The following CSMD1 variants were observed in gnomAD, a reference collection of about 807,000 sequenced individuals.
The protein encoded by CSMD1 is CUB and Sushi multiple domains 1.
A neutral mutation model predicts 417.5 loss-of-function variants in CSMD1; 213 were observed. That is an observed-to-expected ratio of 0.51 (90% CI 0.46 to 0.57). CSMD1 has a LOEUF of 0.57. CSMD1 is among the 20% of genes least tolerant of loss of function. The pLI is 0.00. For missense variants in CSMD1, 6,923 were observed against 4,529.7 expected (o/e 1.53, Z -15.17); for synonymous variants, 2,862 against 1,736.8 (o/e 1.65, Z -16.11).
At chr8:4,542,777 C>T (rs1433692011) in intron 2 of CSMD1, among the ~76,000 whole-genome samples, 1 of 151,832 alleles carries the variant, frequency 6.6e-6, no homozygotes, top group Non-Finnish European at 1.5e-5. Context: ...ATATGGTAGC[C>T]ATACATATTT....
At chr8:3,099,883 A>C (rs1435126594) in intron 46 of CSMD1, among the ~76,000 whole-genome samples, 1 of 152,176 alleles carries the variant, frequency 6.6e-6, no homozygotes, top group Non-Finnish European at 1.5e-5. Flanking sequence ...CCAACCAAAG[A>C]GGTAGCAGAT....
At chr8:4,469,849 G>A (rs1383849888) in intron 2 of CSMD1, among the ~76,000 whole-genome samples, 2 of 151,396 alleles carry the variant, frequency 1.3e-5, no homozygotes, top group Admixed American at 6.6e-5. Flanking sequence ...ACACCTACGT[G>A]ATCTGGCCTT....
At chr8:4,442,501 A>C (rs1252062056) in intron 2 of CSMD1, among the ~76,000 whole-genome samples, 1 of 152,176 alleles carries the variant, frequency 6.6e-6, no homozygotes, top group Non-Finnish European at 1.5e-5. Context: ...TGTATATAAA[A>C]GATGTTATTC....
intron 1 of CSMD1, among the ~76,000 whole-genome samples, chr8:4,988,498 A>T (rs1270692172): frequency 2.0e-5 from 3 of 152,174 alleles, no homozygotes; most frequent in Non-Finnish European, 4.4e-5. Context: ...GAAATTTTAG[A>T]TGGGGATAAA....
intron 5 of CSMD1, among the ~76,000 whole-genome samples, chr8:3,838,698 A>T (rs868337738): frequency 1.0e-5 from 1 of 97,420 alleles, no homozygotes; most frequent in African/African-American, 5.0e-5. Context: ...TATATAATAA[A>T]TATTATATAG....
intron 1 of CSMD1, among the ~76,000 whole-genome samples, chr8:4,915,132 C>T (rs988636080): frequency 2.0e-5 from 3 of 151,642 alleles, no homozygotes; most frequent in East Asian, 1.9e-4. Context: ...GGTTGCCGAA[C>T]GAAGAAAATG....
At chr8:2,999,306 C>T (rs745434426) in intron 53 of CSMD1, among the ~76,000 whole-genome samples, 5 of 152,010 alleles carry the variant, frequency 3.3e-5, no homozygotes, top group Non-Finnish European at 5.9e-5. Flanking sequence ...CAGATGTATG[C>T]CACCATGCCA....
chr8:4,324,941 G>T (rs1254705400), intron 3 of CSMD1, among the ~76,000 whole-genome samples: 1 of 152,100 alleles, frequency 6.6e-6, no homozygotes, highest in African/African-American at 2.4e-5. Flanking sequence ...ACGGGAAGGA[G>T]GCAATTGTAT....
intron 10 of CSMD1, among the ~76,000 whole-genome samples, chr8:3,566,600 C>G (rs565986784): frequency 1.3e-5 from 2 of 151,812 alleles, no homozygotes; most frequent in Admixed American, 1.3e-4. Context: ...AAAAAAAAAC[C>G]ATTAAAAAGT....
chr8:4,286,393 G>A (rs1327372454), intron 3 of CSMD1, among the ~76,000 whole-genome samples: 1 of 152,086 alleles, frequency 6.6e-6, no homozygotes. Context: ...CCTTCACCAA[G>A]GGCTTCAGTT....
At chr8:4,005,003 C>G (rs1815996242) in intron 4 of CSMD1, among the ~76,000 whole-genome samples, 1 of 152,178 alleles carries the variant, frequency 6.6e-6, no homozygotes, top group South Asian at 2.1e-4. Context: ...CTCAGCCTCC[C>G]TAGTGACTCT....
At position 4,637,291 on chromosome 8, in the gene CSMD1, A is replaced by G. The variant is rs1186370641; in HGVS notation, c.302+51T>C. The stretch of plus-strand genomic sequence containing the variant: ...TTAAATATTCCAACTAGATTTCATA[A>G]TCTGTGTATTCAAACAGTGCTAACT... On this transcript the variant is annotated intron_variant, in intron 2 of 69. Transcript: ENST00000635120. The G allele has an allele frequency of 8.6e-6, 12 of 1,397,422 alleles. 1 individual carries two copies. The East Asian group carries it at 2.7e-4, about 32-fold the overall frequency. 86.6% of individuals were successfully genotyped at this position (1,397,422 alleles called of 1,614,324 possible). A position where few individuals can be genotyped will look rare whatever the true frequency, so the allele number is the denominator to read the frequency against.
intron 12 of CSMD1, among the ~76,000 whole-genome samples, chr8:3,430,616 G>T (rs1055595773): frequency 1.3e-5 from 2 of 152,106 alleles, no homozygotes; most frequent in African/African-American, 4.8e-5. Flanking sequence ...AGACCAGCCT[G>T]TCCAAAATGG....
chr8:3,139,255 G>A (rs1295596632), intron 41 of CSMD1, among the ~76,000 whole-genome samples: 9 of 152,174 alleles, frequency 5.9e-5, no homozygotes, highest in African/African-American at 2.2e-4. Flanking sequence ...TTTGAATCCA[G>A]GAGTTTGAAT....
intron 2 of CSMD1, among the ~76,000 whole-genome samples, chr8:4,538,942 T>C (rs781263152): frequency 5.9e-5 from 9 of 152,210 alleles, no homozygotes; most frequent in Non-Finnish European, 1.2e-4. Flanking sequence ...CAGAAAGCTT[T>C]ATTTTTTCAG....
In CSMD1 at chr8:4,434,065, T is replaced by G. The variant is rs371406372; in HGVS notation, c.303-14000A>C. 2.6e-5 allele frequency among the ~76,000 whole-genome samples: 4 copies of G among 152,296 alleles called. No homozygotes were observed. In the East Asian group the frequency reaches 7.7e-4, roughly 29 times the overall value. ...AATATCTGGATCTAGGGGCTGGACA[T>G]TGGGACTCACGCCTGTGATCCCAGC... is the stretch of plus-strand genomic sequence containing the variant. On this transcript the variant is annotated intron_variant, in intron 2 of 69. Transcript: ENST00000635120.
chr8:4,194,605 T>G (rs564694859), intron 3 of CSMD1, among the ~76,000 whole-genome samples: 1 of 152,130 alleles, frequency 6.6e-6, no homozygotes, highest in Admixed American at 6.5e-5. Context: ...GACATTAATT[T>G]GCTAACAGAG....
At chr8:4,808,455 A>T (rs1798712250) in intron 1 of CSMD1, among the ~76,000 whole-genome samples, 1 of 152,214 alleles carries the variant, frequency 6.6e-6, no homozygotes, top group African/African-American at 2.4e-5. Context: ...CTTGTAACTT[A>T]CTTGAAGCTT....
intron 5 of CSMD1, among the ~76,000 whole-genome samples, chr8:3,928,559 T>C (rs932415555): frequency 6.6e-6 from 1 of 151,210 alleles, no homozygotes; most frequent in African/African-American, 2.4e-5. Flanking sequence ...GGTACTGTAC[T>C]AAGTTCAGAT....
Sources: gnomAD v4.1 joint callset for allele counts (sites outside exome capture counted in the v4.1 genomes callset) on GRCh38, gnomAD v4.1.1 for gene constraint, MANE v1.5 for transcripts, NCBI Gene and HGNC (gene_info 2026-07-23, HGNC 2026-07-21) for gene names.